Variants in ACTR3C observed in about 807,000 individuals in gnomAD.
The protein encoded by ACTR3C is actin-related protein 3C.
A neutral mutation model predicts 26.3 loss-of-function variants in ACTR3C; 18 were observed. The observed-to-expected ratio is 0.68, with a 90% CI of 0.47 to 1.01. The LOEUF is 1.01. ACTR3C is among the 50% of genes least tolerant of loss of function. The pLI, the probability that ACTR3C is intolerant of heterozygous loss-of-function variation, is 0.00. For synonymous variants in ACTR3C, 55 were observed against 94.5 expected, an observed-to-expected ratio of 0.58 and a Z score of 2.42; for missense variants, 184 against 250.7, an observed-to-expected ratio of 0.73 and a Z score of 1.80.
chr7:150,265,972 C>T (rs866027645), intron 6 of ACTR3C, among the ~76,000 whole-genome samples: 29 of 152,048 alleles, frequency 1.9e-4, no homozygotes, highest in Non-Finnish European at 1.0e-4. Context: ...CTGCCAACTT[C>T]ATAAACTTAA....
At chr7:149,956,559 T>G in the ACTR3C span, among the ~76,000 whole-genome samples, 1 of 152,210 alleles carries the variant, frequency 6.6e-6, no homozygotes, top group Non-Finnish European at 1.5e-5. Context: ...CAGAGTAAAC[T>G]TGGTGTGAAT....
At chr7:150,141,827 C>T in the ACTR3C span, among the ~76,000 whole-genome samples, 7 of 151,862 alleles carry the variant, frequency 4.6e-5, no homozygotes, top group African/African-American at 1.5e-4. Flanking sequence ...CCAAGCAGTT[C>T]TTGAGGGTTT....
At chr7:150,258,962 G>A (rs1310967458) in intron 6 of ACTR3C, among the ~76,000 whole-genome samples, 2 of 151,862 alleles carry the variant, frequency 1.3e-5, no homozygotes, top group Non-Finnish European at 2.9e-5. Context: ...GGCAACCATT[G>A]ATTTGATAAA....
chr7:150,305,541 C>A (rs557344275), intron 1 of ACTR3C, among the ~76,000 whole-genome samples: 1 of 152,202 alleles, frequency 6.6e-6, no homozygotes, highest in Non-Finnish European at 1.5e-5. Flanking sequence ...CTCAGAGTCA[C>A]CACGCCCTCT....
chr7:150,225,046 T>TGA, the ACTR3C span, among the ~76,000 whole-genome samples: 3 of 149,572 alleles, frequency 2.0e-5, no homozygotes, highest in African/African-American at 7.4e-5. Flanking sequence ...TGTGTGTGTG[T>TGA]TTGCCTGCAC....
At chr7:150,016,858 G>A in the ACTR3C span, among the ~76,000 whole-genome samples, 2 of 152,106 alleles carry the variant, frequency 1.3e-5, no homozygotes, top group African/African-American at 2.4e-5. Flanking sequence ...CATCAAGGCC[G>A]CTTTGGTCTA....
chr7:150,193,718 T>C, the ACTR3C span, among the ~76,000 whole-genome samples: 2 of 152,002 alleles, frequency 1.3e-5, no homozygotes. Context: ...ATTTAGGAAT[T>C]TTCTAGATAC....
chr7:150,037,130 C>G, the ACTR3C span, among the ~76,000 whole-genome samples: 325 of 66,166 alleles, frequency 4.9e-3, 2 homozygotes, highest in Non-Finnish European at 6.5e-3. Context: ...GACTGGCTCT[C>G]AGTCCCTGCC....
the ACTR3C span, among the ~76,000 whole-genome samples, chr7:149,885,539 G>A: frequency 2.0e-5 from 3 of 152,042 alleles, no homozygotes; most frequent in South Asian, 2.1e-4. Context: ...CAGGGTGGGC[G>A]GACACAGTTG....
At chr7:150,154,860 G>T in the ACTR3C span, among the ~76,000 whole-genome samples, 1 of 152,148 alleles carries the variant, frequency 6.6e-6, no homozygotes, top group Non-Finnish European at 1.5e-5. Flanking sequence ...GTAGTGAATT[G>T]CCTGGGTGAG....
the ACTR3C span, among the ~76,000 whole-genome samples, chr7:150,023,709 G>A: frequency 6.7e-6 from 1 of 149,052 alleles, no homozygotes; most frequent in Admixed American, 6.8e-5. Context: ...TTTACACATT[G>A]CAATTATTTT....
chr7:150,155,529 C>A, the ACTR3C span, among the ~76,000 whole-genome samples: 1 of 152,170 alleles, frequency 6.6e-6, no homozygotes, highest in Admixed American at 6.5e-5. Flanking sequence ...ACAACGTTTA[C>A]ATAAGTTTTG....
chr7:150,154,141 T>C, the ACTR3C span, among the ~76,000 whole-genome samples: 5 of 149,666 alleles, frequency 3.3e-5, no homozygotes, highest in Admixed American at 3.3e-4. Context: ...AGTTAATGGG[T>C]GCAGCACACC....
At chr7:150,320,433 A>G (rs187822697) in intron 1 of ACTR3C, among the ~76,000 whole-genome samples, 2 of 152,324 alleles carry the variant, frequency 1.3e-5, no homozygotes, top group East Asian at 3.9e-4. Flanking sequence ...TGAGTGGACT[A>G]TTATCTTTAG....
At chr7:149,971,556 CAT>C in the ACTR3C span, among the ~76,000 whole-genome samples, 5 of 152,174 alleles carry the variant, frequency 3.3e-5, no homozygotes, top group Non-Finnish European at 7.3e-5. Flanking sequence ...TTAATATATA[CAT>C]GTTTGTTTTA....
chr7:149,969,198 G>T, the ACTR3C span, among the ~76,000 whole-genome samples: 1 of 152,050 alleles, frequency 6.6e-6, no homozygotes, highest in Admixed American at 6.6e-5. Context: ...GACAGAAACA[G>T]ATCACAGTCT....
At chr7:150,161,127 T>C in the ACTR3C span, among the ~76,000 whole-genome samples, 1 of 149,444 alleles carries the variant, frequency 6.7e-6, no homozygotes, top group South Asian at 2.1e-4. Context: ...GGTCCTGAGC[T>C]GCCAAACACT....
chr7:149,888,972 C>T, the ACTR3C span, among the ~76,000 whole-genome samples: 2 of 151,234 alleles, frequency 1.3e-5, no homozygotes, highest in African/African-American at 2.4e-5. Context: ...CACGCCACTG[C>T]ACTCCAGCCT....
chr7:149,948,410 G>C, the ACTR3C span, among the ~76,000 whole-genome samples: 2 of 150,828 alleles, frequency 1.3e-5, no homozygotes, highest in Non-Finnish European at 2.9e-5. Context: ...CCACTTTCCA[G>C]AAGAGGCAGG....
Sources: allele counts gnomAD v4.1 joint callset (sites outside exome capture counted in the v4.1 genomes callset), GRCh38; gene constraint gnomAD v4.1.1; transcripts MANE v1.5; gene names NCBI Gene and HGNC (gene_info 2026-07-23, HGNC 2026-07-21).